The following CCDC30 variants were observed in gnomAD, a reference collection of about 807,000 sequenced individuals.
The protein encoded by CCDC30 is coiled-coil domain containing 30.
CCDC30 carries 70 observed loss-of-function variants against 100.2 expected under a neutral mutation model. The ratio of observed to expected loss-of-function variants is 0.70; its 90% CI spans 0.58 to 0.85. The LOEUF (loss-of-function observed/expected upper bound fraction) is 0.85. Ranked by LOEUF, CCDC30 falls within the 40% of genes least tolerant of loss-of-function variation. CCDC30 has a pLI of 0.00. For missense variants in CCDC30, 652 were observed against 771.2 expected (o/e 0.85, Z 1.83); for synonymous variants, 233 against 269.5 (o/e 0.86, Z 1.33).
At chr1:42,644,900 C>G in intron 14 of CCDC30, 93 bp downstream of exon 18, 2 of 790,796 alleles carry the variant, frequency 2.5e-6, no homozygotes, top group East Asian at 5.2e-5. Flanking sequence ...CTTTATATAG[C>G]TGTAGCTGGG....
In CCDC30 at chr1:42,469,169, C is replaced by T. The variant is rs540841241; in HGVS notation, c.-92+5271C>T. On this transcript the variant is annotated intron_variant, in intron 1 of 16. Coordinates refer to ENST00000668663, the Ensembl canonical transcript of CCDC30. Reference sequence around the variant, plus strand: ...TGAAATGGGAGGATCACTTGAGCCCCGGTGTTCAATTCCAGCCTGGGCAAC... The same window carrying T: ...TGAAATGGGAGGATCACTTGAGCCCTGGTGTTCAATTCCAGCCTGGGCAAC... Among the ~76,000 whole-genome samples the T allele has an allele frequency of 1.4e-4, 21 of 152,136 alleles. No homozygotes were observed. The South Asian group carries it at 3.9e-3, about 29-fold the overall frequency.
intron 15 of CCDC30, among the ~76,000 whole-genome samples, chr1:42,647,912 A>C (rs1453986329): frequency 6.6e-6 from 1 of 152,104 alleles, no homozygotes; most frequent in East Asian, 1.9e-4. Flanking sequence ...GGATATGATA[A>C]AAGCAATATT....
At chr1:42,653,866 T>G in exon 17 of CCDC30, 5 of 1,614,154 alleles carry the variant, frequency 3.1e-6, no homozygotes, top group Non-Finnish European at 3.4e-6. Context: ...TTCAAGAGAC[T>G]GAAGAGATCA....
chr1:42,491,707 A>C (rs1443483190), intron 4 of CCDC30: 2 of 205,140 alleles, frequency 9.7e-6, no homozygotes, highest in African/African-American at 4.7e-5. Context: ...CTGTATCAAA[A>C]CATGTAGCCT....
At chr1:42,604,415 A>G (rs774913236) in intron 10 of CCDC30, among the ~76,000 whole-genome samples, 20 of 152,232 alleles carry the variant, frequency 1.3e-4, no homozygotes, top group Admixed American at 3.3e-4. Context: ...GTTGAAAGCC[A>G]GTATGGAGAG....
chr1:42,608,132 C>T (rs60050662), intron 10 of CCDC30, among the ~76,000 whole-genome samples: 36,212 of 151,332 alleles, frequency 0.24, 4,767 homozygotes, highest in South Asian at 0.45. Flanking sequence ...CTTTAAGGCT[C>T]ATTACCATGT....
At chr1:42,524,297 G>A (rs183496676) in intron 6 of CCDC30, among the ~76,000 whole-genome samples, 1 of 152,160 alleles carries the variant, frequency 6.6e-6, no homozygotes, top group East Asian at 1.9e-4. Flanking sequence ...ATAAGCTTAA[G>A]GTCTTCTGGA....
intron 6 of CCDC30, chr1:42,556,195 G>A (rs1645365187): frequency 2.5e-6 from 4 of 1,613,942 alleles, no homozygotes; most frequent in South Asian, 1.1e-5. Flanking sequence ...AAATTCCAGA[G>A]GAGTCAGTAA....
intron 6 of CCDC30, among the ~76,000 whole-genome samples, chr1:42,508,775 A>T (rs1313773326): frequency 1.3e-5 from 2 of 152,170 alleles, no homozygotes; most frequent in Non-Finnish European, 1.5e-5. Context: ...TGTGTGCATT[A>T]AGAGTGGCAA....
intron 10 of CCDC30, among the ~76,000 whole-genome samples, chr1:42,610,339 C>T (rs1177336892): frequency 6.6e-6 from 1 of 152,162 alleles, no homozygotes. Flanking sequence ...ACTTATAGAA[C>T]CAAATATTTT....
At chr1:42,628,281 T>C (rs1013133630) in intron 11 of CCDC30, among the ~76,000 whole-genome samples, 3 of 152,192 alleles carry the variant, frequency 2.0e-5, no homozygotes, top group Admixed American at 1.3e-4. Context: ...CCAATACCTG[T>C]ACCCCCATTG....
chr1:42,613,306 G>A (rs1262964546), intron 11 of CCDC30, among the ~76,000 whole-genome samples: 1 of 152,154 alleles, frequency 6.6e-6, no homozygotes, highest in East Asian at 1.9e-4. Flanking sequence ...CCAGGCTGGA[G>A]TGCAGTGGCA....
intron 6 of CCDC30, among the ~76,000 whole-genome samples, chr1:42,540,702 T>C (rs982188774): frequency 6.6e-6 from 1 of 151,794 alleles, no homozygotes; most frequent in Non-Finnish European, 1.5e-5. Context: ...CAGTTTTTTA[T>C]AAACTCTTTG....
At chr1:42,537,469 T>C (rs1644927926) in intron 6 of CCDC30, 1 of 352,964 alleles carries the variant, frequency 2.8e-6, no homozygotes, top group Non-Finnish European at 5.5e-6. Flanking sequence ...CTCTACCTTC[T>C]TGCCTTTTTG....
chr1:42,563,668 G>A (rs112870086), intron 6 of CCDC30, among the ~76,000 whole-genome samples: 15,599 of 152,154 alleles, frequency 0.1, 1,045 homozygotes, highest in Middle Eastern at 0.19. Flanking sequence ...ATCACCTTCA[G>A]AAGTTGGAGA....
At chr1:42,501,546 T>C (rs1171397322) in intron 6 of CCDC30, among the ~76,000 whole-genome samples, 1 of 152,244 alleles carries the variant, frequency 6.6e-6, no homozygotes, top group East Asian at 1.9e-4. Context: ...TTTTAGAATT[T>C]TCAGCTTTTC....
At chr1:42,636,106 G>A (rs1647149607) in intron 11 of CCDC30, among the ~76,000 whole-genome samples, 1 of 151,994 alleles carries the variant, frequency 6.6e-6, no homozygotes, top group Non-Finnish European at 1.5e-5. Context: ...AGTCTTGAAA[G>A]TGACCTATAT....
At chr1:42,548,980 G>A (rs1480837483) in intron 6 of CCDC30, among the ~76,000 whole-genome samples, 1 of 152,174 alleles carries the variant, frequency 6.6e-6, no homozygotes, top group African/African-American at 2.4e-5. Flanking sequence ...AATGGGCCGT[G>A]TCTTGTTTTT....
chr1:42,474,223 A>G (rs1407858731), intron 1 of CCDC30, among the ~76,000 whole-genome samples: 1 of 152,198 alleles, frequency 6.6e-6, no homozygotes, highest in African/African-American at 2.4e-5. Flanking sequence ...CTTTAACATT[A>G]GGCAGATGGG....
Sources: gnomAD v4.1 joint callset for allele counts (sites outside exome capture counted in the v4.1 genomes callset) on GRCh38, gnomAD v4.1.1 for gene constraint, MANE v1.5 for transcripts, NCBI Gene and HGNC (gene_info 2026-07-23, HGNC 2026-07-21) for gene names.